The following CFAP61 variants were observed in gnomAD, a reference collection of about 807,000 sequenced individuals.
The protein encoded by CFAP61 is cilia and flagella associated protein 61.
A neutral mutation model predicts 135.6 loss-of-function variants in CFAP61; 107 were observed. The ratio of observed to expected loss-of-function variants is 0.79; its 90% confidence interval spans 0.67 to 0.93. CFAP61 has a LOEUF of 0.93. CFAP61 is among the 40% of genes least tolerant of loss of function. The pLI, the probability that CFAP61 is intolerant of heterozygous loss-of-function variation, is 0.00. For synonymous variants in CFAP61, 575 were observed against 578.5 expected (o/e 0.99, Z 0.09); for missense variants, 1,507 against 1,556.2 (o/e 0.97, Z 0.53).
At chr20:20,055,883 G>T in intron 1 of CFAP61, 1 of 1,240,430 alleles carries the variant, frequency 8.1e-7, no homozygotes, top group Non-Finnish European at 1.2e-6. Flanking sequence ...GGGAGGGAAA[G>T]AGAGAAGAGA....
intron 17 of CFAP61, among the ~76,000 whole-genome samples, chr20:20,222,501 G>C (rs2048470994): frequency 6.6e-6 from 1 of 152,110 alleles, no homozygotes; most frequent in African/African-American, 2.4e-5. Flanking sequence ...TTTTTCCGAA[G>C]TGCTGGAGCT....
intron 2 of CFAP61, among the ~76,000 whole-genome samples, chr20:20,060,319 G>A (rs1386517061): frequency 1.3e-5 from 2 of 152,114 alleles, no homozygotes; most frequent in Non-Finnish European, 2.9e-5. Flanking sequence ...CTGAATGGAG[G>A]AAATTCCTCA....
intron 21 of CFAP61, among the ~76,000 whole-genome samples, chr20:20,275,492 T>C (rs1404856265): frequency 6.6e-6 from 1 of 152,192 alleles, no homozygotes; most frequent in Non-Finnish European, 1.5e-5. Context: ...AGTATCGTCC[T>C]CTCCAGCTGC....
intron 8 of CFAP61, among the ~76,000 whole-genome samples, chr20:20,125,048 T>C (rs1600800115): frequency 6.6e-6 from 1 of 151,750 alleles, no homozygotes; most frequent in African/African-American, 2.4e-5. Context: ...TTGTATTTCA[T>C]TGGTGTCAGC....
chr20:20,114,429 G>C (rs113017619), intron 8 of CFAP61, among the ~76,000 whole-genome samples: 1 of 152,006 alleles, frequency 6.6e-6, no homozygotes, highest in Non-Finnish European at 1.5e-5. Flanking sequence ...TTTATTGAAG[G>C]ATAATTAAGT....
intron 9 of CFAP61, among the ~76,000 whole-genome samples, chr20:20,155,245 C>T (rs948489418): frequency 6.6e-6 from 1 of 152,094 alleles, no homozygotes; most frequent in Non-Finnish European, 1.5e-5. Context: ...AAGCTGGATC[C>T]TCATCTCTCA....
At chr20:20,057,307 A>C (rs1413814694) in intron 2 of CFAP61, among the ~76,000 whole-genome samples, 1 of 152,166 alleles carries the variant, frequency 6.6e-6, no homozygotes, top group Non-Finnish European at 1.5e-5. Flanking sequence ...CAAATCAAAA[A>C]GGTTTCTCAT....
intron 9 of CFAP61, among the ~76,000 whole-genome samples, chr20:20,151,637 T>G (rs2052422108): frequency 1.3e-5 from 2 of 151,784 alleles, no homozygotes; most frequent in Non-Finnish European, 2.9e-5. Context: ...CCATCCTGAC[T>G]AACACAGTGA....
chr20:20,062,659 C>T (rs2044894195), intron 2 of CFAP61, among the ~76,000 whole-genome samples: 1 of 152,024 alleles, frequency 6.6e-6, no homozygotes, highest in Non-Finnish European at 1.5e-5. Context: ...GTGAAAAGGA[C>T]ATAATCACAA....
intron 18 of CFAP61, among the ~76,000 whole-genome samples, chr20:20,241,589 C>T (rs779369661): frequency 6.6e-6 from 1 of 151,934 alleles, no homozygotes; most frequent in African/African-American, 2.4e-5. Flanking sequence ...CCATGTTGTT[C>T]GATAATTCAA....
At position 20,172,729 on chromosome 20, in the gene CFAP61, T is replaced by G. The variant is rs896903242; in HGVS notation, c.1385+3269T>G. Among the ~76,000 whole-genome samples the G allele has an allele frequency of 2.6e-5, 4 of 152,342 alleles. No homozygotes were observed. The South Asian group carries it at 6.2e-4, about 24-fold the overall frequency. ...CCACCATACACAGACTCTCGCATCA[T>G]GAACATCCAGCACTAGATTGGAACA... On this transcript the variant is annotated intron_variant, in intron 13 of 26. Transcript: ENST00000245957.
chr20:20,210,024 C>A (rs2047521605), intron 17 of CFAP61, among the ~76,000 whole-genome samples: 1 of 152,184 alleles, frequency 6.6e-6, no homozygotes, highest in Admixed American at 6.5e-5. Context: ...GAGCTACGTG[C>A]TCTCTTCCTC....
chr20:20,210,978 A>T (rs928687542), intron 17 of CFAP61, among the ~76,000 whole-genome samples: 1 of 152,212 alleles, frequency 6.6e-6, no homozygotes, highest in Non-Finnish European at 1.5e-5. Flanking sequence ...TAAACTATTT[A>T]AAAAATGGGT....
At chr20:20,087,072 G>A (rs561717692) in intron 6 of CFAP61, among the ~76,000 whole-genome samples, 1 of 152,174 alleles carries the variant, frequency 6.6e-6, no homozygotes. Context: ...AAAGATGCAG[G>A]CAAAGAATTT....
chr20:20,052,976 G>A (rs2146515340), intron 1 of CFAP61, among the ~76,000 whole-genome samples: 1 of 152,246 alleles, frequency 6.6e-6, no homozygotes, highest in South Asian at 2.1e-4. Context: ...AATAACAGAA[G>A]GTACTTTGAA....
chr20:20,161,973 ATTG>A (rs2053442623), intron 10 of CFAP61, among the ~76,000 whole-genome samples: 1 of 152,184 alleles, frequency 6.6e-6, no homozygotes, highest in Non-Finnish European at 1.5e-5. Context: ...CAAATTTATT[ATTG>A]TGCAGTTCTG....
chr20:20,122,041 C>G (rs957284976), intron 8 of CFAP61, among the ~76,000 whole-genome samples: 20 of 151,770 alleles, frequency 1.3e-4, no homozygotes, highest in African/African-American at 4.4e-4. Flanking sequence ...GATTTTGTTG[C>G]ACCCATCACC....
chr20:20,255,645 TC>T (rs2051484049), intron 20 of CFAP61, among the ~76,000 whole-genome samples: 1 of 152,048 alleles, frequency 6.6e-6, no homozygotes, highest in Admixed American at 6.5e-5. Flanking sequence ...GTGCTGTACC[TC>T]CCAGTAAGAG....
chr20:20,222,016 C>A (rs2146936822), intron 17 of CFAP61: 1 of 152,270 alleles, frequency 6.6e-6, no homozygotes, highest in Non-Finnish European at 1.5e-5. Context: ...CAGGTAAGGA[C>A]AACTATGCCA....
Sources: allele counts gnomAD v4.1 joint callset (sites outside exome capture counted in the v4.1 genomes callset), GRCh38; gene constraint gnomAD v4.1.1; transcripts MANE v1.5; gene names NCBI Gene and HGNC (gene_info 2026-07-23, HGNC 2026-07-21).